CHUK: variants seen among roughly 807,000 people sequenced by gnomAD.
CHUK encodes inhibitor of nuclear factor kappa-B kinase subunit alpha.
CHUK carries 35 observed loss-of-function variants against 104.8 expected under a neutral mutation model. The observed-to-expected ratio is 0.33, with a 90% CI of 0.26 to 0.44. CHUK has a LOEUF of 0.44. Among genes scored for constraint, CHUK ranks in the 20% least tolerant of loss-of-function variants. The probability of loss-of-function intolerance (pLI) is 1.00; values close to 1 mark genes in which losing one functional copy is unlikely to be tolerated. For synonymous variants in CHUK, 276 were observed against 291.9 expected, an observed-to-expected ratio of 0.95 and a Z score of 0.56; for missense variants, 663 against 902.7, an observed-to-expected ratio of 0.73 and a Z score of 3.40.
In CHUK at chr10:100,189,388, A is replaced by T. The variant is rs1483348827; in HGVS notation, c.*210T>A. On this transcript the variant is annotated 3_prime_UTR_variant, in exon 21 of 21. Transcript: ENST00000370397. ...TCAAACAAGTACATTGACTTTTTCT[A>T]AATTCCTGTCTGTTTAGAGGCTTGA... 1 of 540,974 alleles carries T rather than the reference A, an allele frequency of 1.8e-6. No individual in the cohort carries two copies. The highest frequency in any genetic ancestry group is 1.9e-5 in the African/African-American group (1 of 52,974). The allele number at this position is 540,974 out of a possible 1,614,324, so 33.5% of individuals were successfully genotyped here. A position where few individuals can be genotyped will look rare whatever the true frequency, so the allele number is the denominator to read the frequency against.
At chr10:100,189,981 G>T in intron 20 of CHUK, 1 of 203,292 alleles carries the variant, frequency 4.9e-6, no homozygotes, top group Non-Finnish European at 9.9e-6. Flanking sequence ...CTAGTAACTC[G>T]GACTACAGGT....
intron 14 of CHUK, 26 bp downstream of exon 14, chr10:100,202,062 A>G: frequency 1.3e-6 from 2 of 1,528,268 alleles, no homozygotes; most frequent in East Asian, 2.2e-5. Flanking sequence ...ATTAATAAGT[A>G]TACAGAATGA....
chr10:100,221,012 G>GA (rs1845974138), intron 4 of CHUK, among the ~76,000 whole-genome samples: 1 of 152,110 alleles, frequency 6.6e-6, no homozygotes, highest in South Asian at 2.1e-4. Context: ...CATGACCTTG[G>GA]AAAAGAGGCA....
chr10:100,197,416 A>G lies in CHUK; in HGVS notation c.1729+2555T>C, dbSNP rs557269678. Among the ~76,000 whole-genome samples, 16 of 152,284 alleles carry G rather than the reference A, an allele frequency of 1.1e-4. 1 individual carries two copies. The highest frequency in any genetic ancestry group is 1.0e-3 in the Admixed American group (16 of 15,300). On this transcript the variant is annotated intron_variant, in intron 16 of 20. Coordinates refer to ENST00000370397, the MANE Select transcript of CHUK (RefSeq NM_001278.5). ...TTCCTGAGCAGCCAAGCTTCTGAGA[A>G]TAGTCTAGATAAGCAGTTCTCAAAC... is the stretch of plus-strand genomic sequence containing the variant.
At chr10:100,201,727 C>A (rs1408297225) in intron 14 of CHUK, among the ~76,000 whole-genome samples, 1 of 152,120 alleles carries the variant, frequency 6.6e-6, no homozygotes, top group Non-Finnish European at 1.5e-5. Context: ...TGGTGGTGCA[C>A]CTCTTGTCCC....
At chr10:100,224,098 T>TCC (rs1257515485) in intron 2 of CHUK, among the ~76,000 whole-genome samples, 4 of 151,902 alleles carry the variant, frequency 2.6e-5, no homozygotes, top group African/African-American at 7.3e-5. Flanking sequence ...TCTCTCTCTC[T>TCC]CTCTCTCTCT....
chr10:100,227,067 C>A (rs539725646), intron 1 of CHUK, among the ~76,000 whole-genome samples: 20 of 152,316 alleles, frequency 1.3e-4, no homozygotes, highest in African/African-American at 4.8e-4. Context: ...GCCTTTACCA[C>A]CATGGAAATG....
At chr10:100,208,512 G>GA in intron 10 of CHUK, among the ~76,000 whole-genome samples, 1 of 152,148 alleles carries the variant, frequency 6.6e-6, no homozygotes, top group Admixed American at 6.5e-5. Flanking sequence ...ATTAAAAGCT[G>GA]AAAGAGTGGC....
At chr10:100,222,019 T>G (rs561117476) in intron 4 of CHUK, 93 bp downstream of exon 4, 1 of 703,258 alleles carries the variant, frequency 1.4e-6, no homozygotes, top group African/African-American at 1.8e-5. Flanking sequence ...AGACTTTGTA[T>G]AGTGTATCAA....
chr10:100,202,156 G>A lies in CHUK; in HGVS notation c.1508-7C>T. ...TTTAGCATTTTTTCTGAAGCTAAAA[G>A]AAAAGTCTAAATTGGTTATCTCAGA... On this transcript the variant is annotated splice_polypyrimidine_tract_variant and splice_region_variant and intron_variant, in intron 13 of 20. Coordinates refer to ENST00000370397, the MANE Select transcript of CHUK (RefSeq NM_001278.5). The A allele has an allele frequency of 6.2e-7, 1 of 1,601,866 alleles. No individual in the cohort carries two copies. The highest frequency in any genetic ancestry group is 8.6e-7 in the Non-Finnish European group (1 of 1,169,534).
At chr10:100,206,602 C>A (rs1009258929) in intron 11 of CHUK, among the ~76,000 whole-genome samples, 3 of 152,104 alleles carry the variant, frequency 2.0e-5, no homozygotes, top group African/African-American at 7.2e-5. Flanking sequence ...GTGTGGATTA[C>A]ACAAGTATCT....
At chr10:100,204,880 A>G (rs978501649) in intron 12 of CHUK, among the ~76,000 whole-genome samples, 196 bp downstream of exon 12, 14 of 152,320 alleles carry the variant, frequency 9.2e-5, no homozygotes, top group African/African-American at 3.4e-4. Context: ...TATGGGAATT[A>G]TTACCCTCAA....
intron 3 of CHUK, 112 bp from the exon 4 acceptor site, chr10:100,222,293 T>C (rs553539781): frequency 2.4e-5 from 16 of 673,356 alleles, no homozygotes; most frequent in Admixed American, 1.8e-4. Context: ...AAATAAGTCA[T>C]AATAAAATAC....
chr10:100,196,491 G>A (rs558035772), intron 16 of CHUK, among the ~76,000 whole-genome samples: 45 of 150,710 alleles, frequency 3.0e-4, no homozygotes, highest in Admixed American at 1.1e-3. Flanking sequence ...GGCCTCAAGC[G>A]ATCCTGCTAC....
chr10:100,211,081 A>C (rs1404576841), intron 9 of CHUK, among the ~76,000 whole-genome samples: 1 of 152,182 alleles, frequency 6.6e-6, no homozygotes, highest in Non-Finnish European at 1.5e-5. Flanking sequence ...ATCCAAGTCC[A>C]CTATTATTTT....
At chr10:100,191,753 A>C (rs1361640230) in intron 19 of CHUK, among the ~76,000 whole-genome samples, 4 of 152,240 alleles carry the variant, frequency 2.6e-5, no homozygotes, top group Non-Finnish European at 5.9e-5. Context: ...TGGAAAAATT[A>C]TGGTCAAACA....
At chr10:100,193,845 A>G in intron 18 of CHUK, 139 bp downstream of exon 18, 1 of 751,072 alleles carries the variant, frequency 1.3e-6, no homozygotes, top group Non-Finnish European at 2.3e-6. Context: ...TCTGGACACC[A>G]AGCAAGGAAC....
At chr10:100,212,123 T>G (rs1845743656) in intron 9 of CHUK, among the ~76,000 whole-genome samples, 1 of 152,302 alleles carries the variant, frequency 6.6e-6, no homozygotes, top group East Asian at 1.9e-4. Context: ...CCTCATGTGA[T>G]CCACCTGTCT....
intron 4 of CHUK, among the ~76,000 whole-genome samples, chr10:100,221,535 G>A (rs1352192574): frequency 6.6e-6 from 1 of 152,124 alleles, no homozygotes; most frequent in African/African-American, 2.4e-5. Flanking sequence ...GGGGGGGAGA[G>A]AAATTGAGTA....
Sources: allele counts gnomAD v4.1 joint callset (sites outside exome capture counted in the v4.1 genomes callset), GRCh38; gene constraint gnomAD v4.1.1; transcripts MANE v1.5; gene names NCBI Gene and HGNC (gene_info 2026-07-23, HGNC 2026-07-21).